HMGCLL1: variants seen among roughly 807,000 people sequenced by gnomAD.
HMGCLL1 encodes the protein 3-hydroxymethyl-3-methylglutaryl-CoA lyase, cytoplasmic.
Under a neutral mutation model 39.1 loss-of-function variants are expected in HMGCLL1, and 36 were observed. That is an observed-to-expected ratio of 0.92 (90% CI 0.71 to 1.22). The LOEUF (loss-of-function observed/expected upper bound fraction) is 1.22, where lower values mean the gene tolerates loss of function less well. HMGCLL1 is among the 50% of genes most tolerant of loss of function. The pLI is 0.00. For synonymous variants in HMGCLL1, 149 were observed against 144.0 expected (o/e 1.03, Z -0.25); for missense variants, 451 against 416.5 (o/e 1.08, Z -0.72).
the HMGCLL1 span, among the ~76,000 whole-genome samples, chr6:55,677,948 G>A: frequency 6.6e-6 from 1 of 152,124 alleles, no homozygotes; most frequent in Admixed American, 6.5e-5. Flanking sequence ...TGACAATAAT[G>A]GATGAGGTTG....
the HMGCLL1 span, among the ~76,000 whole-genome samples, chr6:55,631,972 T>G: frequency 2.0e-5 from 3 of 152,096 alleles, no homozygotes; most frequent in Non-Finnish European, 2.9e-5. Flanking sequence ...TTCTGGAAAG[T>G]TTTTCTGAAA....
At chr6:55,620,654 G>GACAC in the HMGCLL1 span, among the ~76,000 whole-genome samples, 628 of 149,526 alleles carry the variant, frequency 4.2e-3, 5 homozygotes, top group Middle Eastern at 0.01. Flanking sequence ...CAGACACACA[G>GACAC]ACACACACAC....
chr6:55,654,326 T>C, the HMGCLL1 span, among the ~76,000 whole-genome samples: 2 of 150,540 alleles, frequency 1.3e-5, no homozygotes, highest in Admixed American at 6.7e-5. Flanking sequence ...AATTATATAT[T>C]ATATAAATAT....
chr6:55,622,268 C>T, the HMGCLL1 span, among the ~76,000 whole-genome samples: 2 of 151,938 alleles, frequency 1.3e-5, no homozygotes, highest in Admixed American at 1.3e-4. Flanking sequence ...TTATTTCTTT[C>T]TCTTTTCTGA....
the HMGCLL1 span, among the ~76,000 whole-genome samples, chr6:55,642,163 G>GT: frequency 2.2e-5 from 3 of 137,896 alleles, no homozygotes; most frequent in Middle Eastern, 3.7e-3. Context: ...GCGGTGTTTG[G>GT]TTTTTTGTTC....
the HMGCLL1 span, among the ~76,000 whole-genome samples, chr6:55,620,320 C>T: frequency 6.6e-6 from 1 of 152,076 alleles, no homozygotes; most frequent in African/African-American, 2.4e-5. Flanking sequence ...AACAGTGTAC[C>T]AGGGTTCCCT....
intron 3 of HMGCLL1, 67 bp from the exon 4 acceptor site, chr6:55,516,670 T>C (rs369605646): frequency 4.4e-5 from 47 of 1,071,618 alleles, no homozygotes; most frequent in East Asian, 3.1e-4. Flanking sequence ...CATTTTAGTT[T>C]CAGGTAGGTT....
At chr6:55,615,773 A>C in the HMGCLL1 span, among the ~76,000 whole-genome samples, 1 of 152,098 alleles carries the variant, frequency 6.6e-6, no homozygotes, top group African/African-American at 2.4e-5. Flanking sequence ...ACATAATGAG[A>C]CAACTTCCTC....
In HMGCLL1 at chr6:55,571,525, G is replaced by A. The variant is rs187894156; in HGVS notation, c.108+7423C>T. Among the ~76,000 whole-genome samples the A allele has an allele frequency of 1.2e-3, 189 of 152,246 alleles. 1 individual carries two copies. The highest frequency in any genetic ancestry group is 3.4e-3 in the Middle Eastern group (1 of 294). On this transcript the variant is annotated intron_variant, in intron 1 of 8. Transcript: ENST00000274901. Reference sequence around the variant, plus strand: ...GGATAAACATAGTAATAGATCAAACGCTGGGCAAGGTGGCTCACGCCTGTA... The same window carrying A: ...GGATAAACATAGTAATAGATCAAACACTGGGCAAGGTGGCTCACGCCTGTA...
At chr6:55,530,102 T>A in intron 3 of HMGCLL1, among the ~76,000 whole-genome samples, 1 of 151,864 alleles carries the variant, frequency 6.6e-6, no homozygotes. Context: ...TGACTATATT[T>A]GGGCTACTAG....
At chr6:55,667,951 G>A in the HMGCLL1 span, among the ~76,000 whole-genome samples, 11 of 149,786 alleles carry the variant, frequency 7.3e-5, no homozygotes, top group African/African-American at 2.7e-4. Context: ...TATGTTTCTT[G>A]GTTGCCCAAT....
At chr6:55,477,846 T>C (rs978002404) in intron 7 of HMGCLL1, among the ~76,000 whole-genome samples, 3 of 150,986 alleles carry the variant, frequency 2.0e-5, no homozygotes, top group Non-Finnish European at 4.4e-5. Flanking sequence ...TCAATGTTCA[T>C]GAGTGACAAT....
intron 3 of HMGCLL1, among the ~76,000 whole-genome samples, chr6:55,533,474 T>TA (rs1345297110): frequency 6.6e-6 from 1 of 152,208 alleles, no homozygotes; most frequent in African/African-American, 2.4e-5. Context: ...AGTACATTGA[T>TA]ATTTTGCTCT....
At chr6:55,587,896 T>G in the HMGCLL1 span, among the ~76,000 whole-genome samples, 2 of 152,066 alleles carry the variant, frequency 1.3e-5, no homozygotes, top group African/African-American at 2.4e-5. Flanking sequence ...GCACCCAGAT[T>G]CATAAAGCAA....
At chr6:55,607,037 T>G in the HMGCLL1 span, among the ~76,000 whole-genome samples, 1 of 152,198 alleles carries the variant, frequency 6.6e-6, no homozygotes, top group African/African-American at 2.4e-5. Context: ...AGCAATTAAG[T>G]TTTTGTTAAT....
At chr6:55,453,137 G>A (rs1764174688) in intron 7 of HMGCLL1, among the ~76,000 whole-genome samples, 1 of 152,138 alleles carries the variant, frequency 6.6e-6, no homozygotes, top group African/African-American at 2.4e-5. Context: ...AACATGCCAA[G>A]CATGTACTAA....
chr6:55,591,360 T>G, the HMGCLL1 span, among the ~76,000 whole-genome samples: 1 of 152,022 alleles, frequency 6.6e-6, no homozygotes, highest in Non-Finnish European at 1.5e-5. Flanking sequence ...GTGTTCTGCC[T>G]TCTTCTAGGG....
At chr6:55,565,829 T>A (rs1194410488) in intron 1 of HMGCLL1, among the ~76,000 whole-genome samples, 1 of 152,048 alleles carries the variant, frequency 6.6e-6, no homozygotes, top group Non-Finnish European at 1.5e-5. Context: ...AAACCCTGAG[T>A]AACTATATCT....
chr6:55,554,698 T>G (rs2127466932), intron 1 of HMGCLL1, among the ~76,000 whole-genome samples: 1 of 152,176 alleles, frequency 6.6e-6, no homozygotes, highest in Non-Finnish European at 1.5e-5. Context: ...GCTATGCCAA[T>G]ACACAGGACC....
Sources: allele counts gnomAD v4.1 joint callset (sites outside exome capture counted in the v4.1 genomes callset), GRCh38; gene constraint gnomAD v4.1.1; transcripts MANE v1.5; gene names NCBI Gene and HGNC (gene_info 2026-07-23, HGNC 2026-07-21).